Variants in ATM observed in about 807,000 individuals in gnomAD.
The protein encoded by ATM is ATM serine/threonine kinase.
A neutral mutation model predicts 387.0 loss-of-function variants in ATM; 308 were observed. The observed-to-expected ratio is 0.80, with a 90% CI of 0.73 to 0.87. ATM has a LOEUF of 0.87. Ranked by LOEUF, ATM falls within the 40% of genes least tolerant of loss-of-function variation. The probability of loss-of-function intolerance (pLI) is 0.00; values close to 1 mark genes in which losing one functional copy is unlikely to be tolerated. For synonymous variants in ATM, 1,156 were observed against 1,187.3 expected (o/e 0.97, Z 0.54); for missense variants, 3,312 against 3,560.9 (o/e 0.93, Z 1.78).
intron 53 of ATM, among the ~76,000 whole-genome samples, chr11:108,333,462 C>T (rs2086498620): frequency 6.6e-6 from 1 of 152,128 alleles, no homozygotes; most frequent in South Asian, 2.1e-4. Flanking sequence ...ATCATATCTT[C>T]AAGTTTAAAT....
At chr11:108,326,688 T>C (rs529664084) in intron 47 of ATM, among the ~76,000 whole-genome samples, 2 of 152,342 alleles carry the variant, frequency 1.3e-5, no homozygotes, top group East Asian at 3.9e-4. Context: ...TGCAAACTTA[T>C]GTTGCTACTT....
chr11:108,359,612 A>C lies in ATM; in HGVS notation c.8850+4738A>C, dbSNP rs549236714. On this transcript the variant is annotated intron_variant, in intron 61 of 62. Coordinates refer to ENST00000675843, the MANE Select transcript of ATM (RefSeq NM_000051.4). ...ACAAACTATCTCTCAGACCACAGTG[A>C]CATCAAACTAGAACTCAGGATTAAG... Among the ~76,000 whole-genome samples the C allele has an allele frequency of 2.9e-4, 44 of 152,296 alleles. No individual in the cohort carries two copies. The East Asian group carries it at 3.9e-3, about 13-fold the overall frequency.
Position 108,257,620 on chromosome 11 carries a change from C to G in ATM, c.2376+14C>G, listed in dbSNP as rs2135408701. 6.2e-7 allele frequency: 1 copy of G among 1,612,196 alleles called. No homozygotes were observed. The highest frequency in any genetic ancestry group is 8.5e-7 in the Non-Finnish European group (1 of 1,179,578). On this transcript the variant is annotated intron_variant, in intron 15 of 62. Coordinates refer to ENST00000675843, the MANE Select transcript of ATM (RefSeq NM_000051.4). ...AACTGTACCAAGGTAAGATTTTCTT[C>G]TTCTTGTTTTGTTTTTTGAGATAGG...
At chr11:108,261,960 C>G (rs1214876606) in intron 16 of ATM, among the ~76,000 whole-genome samples, 1 of 152,092 alleles carries the variant, frequency 6.6e-6, no homozygotes, top group Non-Finnish European at 1.5e-5. Context: ...ATGAGCAAAG[C>G]CTCCAAGAAA....
At chr11:108,295,178 C>A in intron 32 of ATM, 119 bp downstream of exon 32, 3 of 1,335,420 alleles carry the variant, frequency 2.2e-6, no homozygotes, top group East Asian at 2.3e-5. Flanking sequence ...TCATTTAGTT[C>A]AGACCCTCAT....
chr11:108,244,863 C>CT lies in ATM; in HGVS notation c.741dup (p.Arg248SerfsTer6), dbSNP rs1131691161. 6.2e-7 allele frequency: 1 copy of CT among 1,613,876 alleles called. No homozygotes were observed. On this transcript the variant is annotated frameshift_variant, in exon 7 of 63. Coordinates refer to ENST00000675843, the MANE Select transcript of ATM (RefSeq NM_000051.4). LOFTEE classifies it high-confidence loss of function. Reference sequence around the variant, plus strand: ...TCTTCCTCAAGACTTTGGCTGTCAACTTTCGAATTCGAGTGTGTGAATTAG... The same window carrying CT: ...TCTTCCTCAAGACTTTGGCTGTCAACTTTTCGAATTCGAGTGTGTGAATTAG...
intron 16 of ATM, among the ~76,000 whole-genome samples, chr11:108,261,216 G>A (rs1411899002): frequency 1.3e-5 from 2 of 152,232 alleles, no homozygotes; most frequent in African/African-American, 2.4e-5. Context: ...AGTAACCTCT[G>A]CAGACTTAGA....
chr11:108,232,399 A>G (rs573576002), intron 4 of ATM, among the ~76,000 whole-genome samples: 1 of 152,210 alleles, frequency 6.6e-6, no homozygotes, highest in East Asian at 1.9e-4. Context: ...AATTTAACAT[A>G]TGTCTAAACT....
chr11:108,302,051 GTT>G (rs1427191578), intron 35 of ATM, among the ~76,000 whole-genome samples: 2 of 152,044 alleles, frequency 1.3e-5, no homozygotes, highest in Non-Finnish European at 2.9e-5. Context: ...GACAGACCTT[GTT>G]TTTTTAGAAA....
At chr11:108,309,134 G>T in intron 38 of ATM, 1 of 933,058 alleles carries the variant, frequency 1.1e-6, no homozygotes, top group Non-Finnish European at 1.7e-6. Context: ...GTCCAAGCTT[G>T]TGCTGTGTAA....
chr11:108,317,652 T>TATATACACACACACACACACAC (rs1399501257), intron 43 of ATM, 131 bp downstream of exon 43: 1 of 117,468 alleles, frequency 8.5e-6, no homozygotes, highest in East Asian at 2.4e-4. Context: ...TATATATATA[T>TATATACACACACACACACACAC]ACACACACAC....
chr11:108,319,594 T>C (rs893644149), intron 43 of ATM, among the ~76,000 whole-genome samples: 2 of 152,246 alleles, frequency 1.3e-5, no homozygotes, highest in Non-Finnish European at 2.9e-5. Flanking sequence ...TACTTATTTA[T>C]TGTCTGTTCC....
rs749950833 is a variant in ATM, at chr11:108,247,100, T to A, written c.1038T>A (p.Ile346=). Residue 346 remains isoleucine, a synonymous_variant, in exon 8 of 63, where the codon ATT becomes ATA. Coordinates refer to ENST00000675843, the MANE Select transcript of ATM (RefSeq NM_000051.4). The part of the protein sequence containing the change: ...FRNIAVKENL[I]ELMADICHQV... ...ATATTGCCGTCAAAGAAAATTTGATTGAATTGATGGCAGATATCTGTCACC... is the reference window on the plus strand; with the variant it reads ...ATATTGCCGTCAAAGAAAATTTGATAGAATTGATGGCAGATATCTGTCACC... The A allele has an allele frequency of 8.7e-6, 14 of 1,613,790 alleles. No individual in the cohort carries two copies. Among genetic ancestry groups the A allele is most frequent in the Non-Finnish European group, 1.1e-5 (13 of 1,179,904 alleles).
chr11:108,306,555 T>C (rs145077928), intron 37 of ATM, among the ~76,000 whole-genome samples: 43 of 152,362 alleles, frequency 2.8e-4, no homozygotes, highest in East Asian at 1.3e-3. Flanking sequence ...TTATCACTTA[T>C]GTATTTATGT....
intron 50 of ATM, 86 bp downstream of exon 50, chr11:108,330,507 T>G (rs963382180): frequency 8.9e-6 from 12 of 1,341,272 alleles, no homozygotes; most frequent in Non-Finnish European, 1.3e-5. Context: ...TGTATACCTC[T>G]TTGTATTCCT....
chr11:108,281,713 A>C (rs554541438), intron 24 of ATM, among the ~76,000 whole-genome samples: 19 of 152,300 alleles, frequency 1.2e-4, no homozygotes, highest in Non-Finnish European at 2.8e-4. Flanking sequence ...TTTCCATTGC[A>C]AATTTTTATG....
Position 108,368,232 on chromosome 11 carries a change from G to C in ATM, c.*2724G>C, listed in dbSNP as rs1258671621. 5.1e-6 allele frequency: 1 copy of C among 197,498 alleles called. No homozygotes were observed. Among genetic ancestry groups the C allele is most frequent in the Admixed American group, 6.2e-5 (1 of 16,244 alleles). The allele number at this position is 197,498 out of a possible 1,614,324, so 12.2% of individuals were successfully genotyped here. A position where few individuals can be genotyped will look rare whatever the true frequency, so the allele number is the denominator to read the frequency against. The stretch of plus-strand genomic sequence containing the variant: ...AAAAGATTTTTTTTTTGTAATTTTA[G>C]TAGAGACAGGGTTGCCATTGTATTC... On this transcript the variant is annotated 3_prime_UTR_variant, in exon 63 of 63. Transcript: ENST00000675843.
intron 8 of ATM, among the ~76,000 whole-genome samples, chr11:108,247,654 GGCACAATCTCCGCT>G (rs1371328852): frequency 6.6e-6 from 1 of 152,108 alleles, no homozygotes; most frequent in Non-Finnish European, 1.5e-5. Flanking sequence ...GGAGTGCAGT[GGCACAATCTCCGCT>G]CACTGCAACC....
chr11:108,325,061 A>C (rs962211928), intron 45 of ATM, among the ~76,000 whole-genome samples: 4 of 152,072 alleles, frequency 2.6e-5, no homozygotes, highest in Non-Finnish European at 5.9e-5. Context: ...GAGTATTAAA[A>C]ATTTTTTTTG....
Sources: allele counts gnomAD v4.1 joint callset (sites outside exome capture counted in the v4.1 genomes callset), GRCh38; gene constraint gnomAD v4.1.1; transcripts MANE v1.5; gene names NCBI Gene and HGNC (gene_info 2026-07-23, HGNC 2026-07-21).